The following IL7 variants were observed in gnomAD, a reference collection of about 807,000 sequenced individuals.
IL7 encodes interleukin 7, also known as interleukin-7.
A neutral mutation model predicts 21.6 loss-of-function variants in IL7; 3 were observed. That is an observed-to-expected ratio of 0.14 (90% confidence interval 0.06 to 0.36). The LOEUF is 0.36. Among genes scored for constraint, IL7 ranks in the 10% least tolerant of loss-of-function variants. The pLI is 1.00. For missense variants in IL7, 175 were observed against 200.2 expected (o/e 0.87, Z 0.76); for synonymous variants, 62 against 68.1 (o/e 0.91, Z 0.44).
intron 2 of IL7, among the ~76,000 whole-genome samples, chr8:78,747,298 G>C (rs1812014290): frequency 6.9e-6 from 1 of 145,392 alleles, no homozygotes; most frequent in Admixed American, 7.3e-5. Flanking sequence ...CAATTCTCCT[G>C]CCTCAGCTTC....
chr8:78,676,090 T>A, exon 5 of IL7: 1 of 349,542 alleles, frequency 2.9e-6, no homozygotes, highest in Non-Finnish European at 5.1e-6. Context: ...AAGGTATTCC[T>A]CATTTTACGA....
At chr8:78,769,696 T>C (rs1812886126) in intron 2 of IL7, among the ~76,000 whole-genome samples, 1 of 152,258 alleles carries the variant, frequency 6.6e-6, no homozygotes, top group Admixed American at 6.5e-5. Context: ...TTTAAGTTCA[T>C]ATGGAACCAA....
At chr8:78,787,717 C>G (rs889662915) in intron 2 of IL7, among the ~76,000 whole-genome samples, 2 of 152,192 alleles carry the variant, frequency 1.3e-5, no homozygotes, top group African/African-American at 4.8e-5. Flanking sequence ...AATTCACTTG[C>G]TTTTCCCCAG....
chr8:78,727,762 G>T (rs1211800933), intron 3 of IL7, among the ~76,000 whole-genome samples: 1 of 151,850 alleles, frequency 6.6e-6, no homozygotes, highest in African/African-American at 2.4e-5. Context: ...GGCTGGGGGA[G>T]GGGCTATGCA....
chr8:78,768,709 C>T (rs937165417), intron 2 of IL7, among the ~76,000 whole-genome samples: 7 of 151,982 alleles, frequency 4.6e-5, no homozygotes, highest in Admixed American at 1.3e-4. Context: ...AATTTTCTCC[C>T]ATTTTGTATG....
downstream of IL7, among the ~76,000 whole-genome samples, chr8:78,731,116 T>C (rs1348790567): frequency 6.6e-6 from 1 of 152,038 alleles, no homozygotes; most frequent in African/African-American, 2.4e-5. Flanking sequence ...CAAAATGTCC[T>C]TCTTAAGTTG....
intron 2 of IL7, among the ~76,000 whole-genome samples, chr8:78,769,585 A>G (rs1812882035): frequency 6.6e-6 from 1 of 152,202 alleles, no homozygotes; most frequent in African/African-American, 2.4e-5. Context: ...GGAAGAATCA[A>G]TATCATGAAA....
intron 3 of IL7, among the ~76,000 whole-genome samples, chr8:78,705,371 T>C (rs1463643838): frequency 6.6e-6 from 1 of 152,210 alleles, no homozygotes; most frequent in Non-Finnish European, 1.5e-5. Flanking sequence ...CAGTCACTAG[T>C]CACCTTGGAT....
Position 78,760,706 on chromosome 8 carries a change from T to C in IL7, c.148-20624A>G, listed in dbSNP as rs531485769. On this transcript the variant is annotated intron_variant, in intron 2 of 5. Transcript: ENST00000263851. ...TGTTGGGACACTTAGGGTTTCTTTA[T>C]AGTAACTCTCAAAGGTTAGCTGAGA... 1.9e-4 allele frequency: 294 copies of C among 1,568,532 alleles called. 1 individual carries two copies. In the African/African-American group the frequency reaches 3.9e-3, roughly 21 times the overall value.
chr8:78,712,278 A>G (rs754868670), intron 3 of IL7, among the ~76,000 whole-genome samples: 6 of 152,184 alleles, frequency 3.9e-5, no homozygotes, highest in Non-Finnish European at 7.4e-5. Flanking sequence ...ATTTTTAGTA[A>G]GCATTTCTGT....
At chr8:78,678,098 C>G (rs1809641511) in intron 4 of IL7, among the ~76,000 whole-genome samples, 1 of 152,118 alleles carries the variant, frequency 6.6e-6, no homozygotes, top group East Asian at 1.9e-4. Flanking sequence ...CCTGGCTTCT[C>G]TAGTGCAACC....
At chr8:78,716,598 C>G (rs143877784), downstream of IL7, among the ~76,000 whole-genome samples, 41 of 152,300 alleles carry the variant, frequency 2.7e-4, no homozygotes, top group African/African-American at 9.4e-4. Context: ...CTAAGGATCT[C>G]TATCTTTCCT....
chr8:78,745,574 C>T (rs1811953871), intron 2 of IL7, among the ~76,000 whole-genome samples: 1 of 152,154 alleles, frequency 6.6e-6, no homozygotes, highest in Non-Finnish European at 1.5e-5. Context: ...ACTTCATTTT[C>T]CTTTTGCCTA....
chr8:78,729,143 T>G (rs1443169042), downstream of IL7, among the ~76,000 whole-genome samples: 1 of 152,022 alleles, frequency 6.6e-6, no homozygotes, highest in East Asian at 1.9e-4. Context: ...ATAAAATATT[T>G]TCAAATGTCT....
chr8:78,700,207 C>T (rs1199189286), intron 3 of IL7, among the ~76,000 whole-genome samples: 1 of 152,186 alleles, frequency 6.6e-6, no homozygotes, highest in Non-Finnish European at 1.5e-5. Flanking sequence ...TTGCGTTTCT[C>T]TAATGATCAG....
intron 3 of IL7, among the ~76,000 whole-genome samples, chr8:78,712,437 G>A (rs1423929994): frequency 6.6e-6 from 1 of 151,940 alleles, no homozygotes; most frequent in Non-Finnish European, 1.5e-5. Context: ...GTTTTAAAAA[G>A]CAGAGTTTGA....
chr8:78,781,868 G>A (rs1563433671), intron 2 of IL7, among the ~76,000 whole-genome samples: 1 of 152,122 alleles, frequency 6.6e-6, no homozygotes, highest in Non-Finnish European at 1.5e-5. Flanking sequence ...TCAGGCGTAG[G>A]TTTTGTGGGT....
At chr8:78,723,114 T>TATATATA (rs1563645665) in intron 3 of IL7, among the ~76,000 whole-genome samples, 10 of 147,838 alleles carry the variant, frequency 6.8e-5, no homozygotes, top group East Asian at 2.0e-4. Flanking sequence ...TATATATATA[T>TATATATA]TTAGAAGCCA....
chr8:78,694,378 T>A (rs1421263870), intron 3 of IL7, among the ~76,000 whole-genome samples: 1 of 152,154 alleles, frequency 6.6e-6, no homozygotes. Flanking sequence ...ACGGTATTCA[T>A]GATTATCATT....
Sources: allele counts gnomAD v4.1 joint callset (sites outside exome capture counted in the v4.1 genomes callset), GRCh38; gene constraint gnomAD v4.1.1; transcripts MANE v1.5; gene names NCBI Gene and HGNC (gene_info 2026-07-23, HGNC 2026-07-21).